Variants in ATCAY observed in about 807,000 individuals in gnomAD.
ATCAY encodes caytaxin.
A neutral mutation model predicts 47.7 loss-of-function variants in ATCAY; 22 were observed. That is an observed-to-expected ratio of 0.46 (90% CI 0.33 to 0.66). The LOEUF (loss-of-function observed/expected upper bound fraction) is 0.66. ATCAY is among the 30% of genes least tolerant of loss of function. The pLI, the probability that ATCAY is intolerant of heterozygous loss-of-function variation, is 0.02. For missense variants in ATCAY, 452 were observed against 515.0 expected (o/e 0.88, Z 1.18); for synonymous variants, 216 against 207.6 (o/e 1.04, Z -0.35).
intron 10 of ATCAY, 100 bp from the exon 11 acceptor site, chr19:3,918,706 C>A: frequency 7.8e-7 from 1 of 1,283,904 alleles, no homozygotes; most frequent in South Asian, 1.3e-5. Context: ...AAACAGGTCC[C>A]AGGGGACAGG....
intron 2 of ATCAY, among the ~76,000 whole-genome samples, chr19:3,894,931 A>G (rs1255778627): frequency 7.2e-6 from 1 of 138,694 alleles, no homozygotes; most frequent in Non-Finnish European, 1.5e-5. Context: ...GCTGGGCAAC[A>G]GAGCAAGACC....
intron 2 of ATCAY, among the ~76,000 whole-genome samples, chr19:3,890,913 C>T (rs899278588): frequency 6.6e-6 from 1 of 152,194 alleles, no homozygotes; most frequent in Admixed American, 6.6e-5. Flanking sequence ...CACATAACCA[C>T]CTCTGTCTGC....
Position 3,885,772 on chromosome 19 carries a change from G to A in ATCAY, c.5G>A (p.Gly2Glu). The change falls in exon 2 of 13, where the codon GGG (glycine) becomes GAG (glutamate). Residue 2 changes from glycine to glutamate, a missense_variant. Coordinates refer to ENST00000450849, the MANE Select transcript of ATCAY (RefSeq NM_033064.5). ...CAGTGCCTCTTCCCAGCTCCCATGG[G>A]GACCACCGAAGCCACGCTCCGGATG... M[G>E]TTEATLRMEN... is the part of the protein sequence containing the mutation. 1 of 1,550,952 alleles carries A rather than the reference G, an allele frequency of 6.4e-7. No individual in the cohort carries two copies. Among genetic ancestry groups the A allele is most frequent in the Non-Finnish European group, 8.7e-7 (1 of 1,147,090 alleles).
Position 3,902,499 on chromosome 19 carries a change from A to T in ATCAY, c.90A>T (p.Glu30Asp). ...QDEDLPRPLP[E>D]ETGVELLGSP... ...GATGGGTCCGCAGGCCACTCCCAGA[A>T]GAGACGGGGGTGGAACTGCTTGGCA... Residue 30 changes from glutamate (E) to aspartate (D), a missense_variant, in exon 3 of 13, where the codon GAA (glutamate) becomes GAT (aspartate). Transcript: ENST00000450849. 1 of 1,579,310 alleles carries T rather than the reference A, an allele frequency of 6.3e-7. No homozygotes were observed. Among genetic ancestry groups the T allele is most frequent in the Non-Finnish European group, 8.6e-7 (1 of 1,162,604 alleles).
Position 3,907,762 on chromosome 19 carries a change from C to T in ATCAY, c.387C>T (p.Asn129=), listed in dbSNP as rs754399158. Reference sequence around the variant, plus strand: ...ACACCCCCGTGGCCACCGCCAAGAACATGCCCGGGGACAGCGCGGATCTAT... The same window carrying T: ...ACACCCCCGTGGCCACCGCCAAGAATATGCCCGGGGACAGCGCGGATCTAT... ...EDDTPVATAK[N]MPGDSADLFG... The change falls in exon 5 of 13, where the codon AAC becomes AAT. Residue 129 remains asparagine, a synonymous_variant. Transcript: ENST00000450849. The surrounding 1 kb of genome is among the most constrained non-coding windows in gnomAD (Gnocchi z 5.1). 4.3e-6 allele frequency: 7 copies of T among 1,613,930 alleles called. No homozygotes were observed. Among genetic ancestry groups the T allele is most frequent in the Non-Finnish European group, 5.9e-6 (7 of 1,179,900 alleles).
intron 3 of ATCAY, among the ~76,000 whole-genome samples, chr19:3,903,591 A>G (rs2145241050): frequency 6.6e-6 from 1 of 151,096 alleles, no homozygotes; most frequent in South Asian, 2.1e-4. Context: ...TAGCGTGATC[A>G]TGGCTCACTG....
Position 3,910,844 on chromosome 19 carries a change from C to T in ATCAY, c.821C>T (p.Ser274Leu). ...AAGTCCTTGATCATCGTCCACCCCT[C>T]GTGGTTCATTCGGACTGTGCTGGCC... ...NLKSLIIVHP[S>L]WFIRTVLAIS... Residue 274 changes from serine (S) to leucine (L), a missense_variant, in exon 8 of 13, where the codon TCG becomes TTG. By Grantham distance (145) the Ser-to-Leu change is moderately radical (BLOSUM62 -2). Coordinates refer to ENST00000450849, the MANE Select transcript of ATCAY (RefSeq NM_033064.5). 1 of 1,614,020 alleles carries T rather than the reference C, an allele frequency of 6.2e-7. No individual in the cohort carries two copies. The highest frequency in any genetic ancestry group is 8.5e-7 in the Non-Finnish European group (1 of 1,179,898).
chr19:3,920,014 G>A (rs541751464), intron 11 of ATCAY, among the ~76,000 whole-genome samples: 6 of 152,226 alleles, frequency 3.9e-5, no homozygotes, highest in South Asian at 2.1e-4. Flanking sequence ...CAGCAGTGTC[G>A]GTCCTCATAG....
chr19:3,881,359 G>A (rs2038597524), intron 1 of ATCAY, among the ~76,000 whole-genome samples: 1 of 142,858 alleles, frequency 7.0e-6, no homozygotes, highest in Non-Finnish European at 1.5e-5. Flanking sequence ...ATAACGCTAG[G>A]AAGGCCACCA....
At chr19:3,912,754 C>T (rs555134385) in intron 8 of ATCAY, among the ~76,000 whole-genome samples, 132 of 151,918 alleles carry the variant, frequency 8.7e-4, no homozygotes, top group South Asian at 2.7e-3. Flanking sequence ...GGCCTGGTGG[C>T]GCGCACCTGT....
chr19:3,923,181 A>AAAGT (rs10686978), intron 12 of ATCAY, among the ~76,000 whole-genome samples: 111,114 of 151,646 alleles, frequency 0.73, 42,070 homozygotes, highest in East Asian at 0.98. Flanking sequence ...GCACTGAGTA[A>AAAGT]AAGTTCTCAA....
At chr19:3,922,548 G>A (rs1167267899) in intron 12 of ATCAY, among the ~76,000 whole-genome samples, 1 of 152,108 alleles carries the variant, frequency 6.6e-6, no homozygotes, top group Non-Finnish European at 1.5e-5. Context: ...TACAATTCAA[G>A]ATGAGATTTG....
At chr19:3,895,115 C>T in intron 2 of ATCAY, 1 of 456,152 alleles carries the variant, frequency 2.2e-6, no homozygotes, top group Non-Finnish European at 4.4e-6. Context: ...CCTTTATATA[C>T]ATGGTCTCAA....
At chr19:3,913,626 T>C in intron 8 of ATCAY, 132 bp from the exon 9 acceptor site, 3 of 651,292 alleles carry the variant, frequency 4.6e-6, no homozygotes, top group Non-Finnish European at 8.3e-6. Flanking sequence ...GAGGGAGGTG[T>C]CGTCGTCTGC....
Position 3,909,510 on chromosome 19 carries a change from C to T in ATCAY, c.672C>T (p.Leu224=). The change falls in exon 7 of 13, where the codon CTC becomes CTT. Residue 224 remains leucine (L), a synonymous_variant. Transcript: ENST00000450849. ...LFLYVISSLE[L]LVAEDYMIVY... ...GGTACGTCATCAGCAGCTTAGAGCT[C>T]CTGGTGGCTGAGGACTACATGATCG... The T allele has an allele frequency of 6.2e-7, 1 of 1,613,772 alleles. No homozygotes were observed. The highest frequency in any genetic ancestry group is 8.5e-7 in the Non-Finnish European group (1 of 1,179,824).
Position 3,910,879 on chromosome 19 carries a change from C to G in ATCAY, c.856C>G (p.Pro286Ala), listed in dbSNP as rs1434579875. Residue 286 changes from proline to alanine, a missense_variant, in exon 8 of 13, where the codon CCT becomes GCT. Transcript: ENST00000450849. ...FIRTVLAISRPFISVKFINKI... is the reference protein window; with the variant it reads ...FIRTVLAISRAFISVKFINKI... ...TCGGACTGTGCTGGCCATCTCTCGCCCTTTCATCAGGTGAGACGGGGAGGC... is the reference window on the plus strand; with the variant it reads ...TCGGACTGTGCTGGCCATCTCTCGCGCTTTCATCAGGTGAGACGGGGAGGC... 33 of 1,613,892 alleles carry G rather than the reference C, an allele frequency of 2.0e-5. No homozygotes were observed. Among genetic ancestry groups the G allele is most frequent in the Non-Finnish European group, 2.7e-5 (32 of 1,179,904 alleles).
chr19:3,907,699 T>G lies in ATCAY; in HGVS notation c.359-35T>G, dbSNP rs993545309. The G allele has an allele frequency of 2.5e-6, 4 of 1,611,208 alleles. No individual in the cohort carries two copies. Among genetic ancestry groups the G allele is most frequent in the Non-Finnish European group, 3.4e-6 (4 of 1,178,550 alleles). On this transcript the variant is annotated intron_variant, in intron 4 of 12. Coordinates refer to ENST00000450849, the MANE Select transcript of ATCAY (RefSeq NM_033064.5). The surrounding 1 kb of genome is among the most constrained non-coding windows in gnomAD (Gnocchi z 5.1). ...AGGAGGGCAGGAGATATCCGGACTC[T>G]GGCGTCCATGCGACTCTCCGCCACC...
intron 2 of ATCAY, among the ~76,000 whole-genome samples, chr19:3,900,717 G>A (rs10421490): frequency 0.12 from 18,046 of 151,092 alleles, 2,315 homozygotes; most frequent in African/African-American, 0.32. Flanking sequence ...TGTATTTTTA[G>A]TAGAGATGGC....
intron 9 of ATCAY, among the ~76,000 whole-genome samples, chr19:3,914,871 C>T (rs1390107864): frequency 6.6e-6 from 1 of 151,772 alleles, no homozygotes; most frequent in African/African-American, 2.4e-5. Flanking sequence ...ACCCTGTCAC[C>T]CCCAACACCC....
Sources: gnomAD v4.1 joint callset for allele counts (sites outside exome capture counted in the v4.1 genomes callset) on GRCh38, gnomAD v4.1.1 for gene constraint, Gnocchi (gnomAD v3.1) non-coding constraint, MANE v1.5 for transcripts, NCBI Gene and HGNC (gene_info 2026-07-23, HGNC 2026-07-21) for gene names.